ZCWPW2: variants seen among roughly 807,000 people sequenced by gnomAD.
ZCWPW2 encodes the protein zinc finger CW-type PWWP domain protein 2.
In ZCWPW2, 45 loss-of-function variants were observed where a neutral mutation model predicts 46.6. That is an observed-to-expected ratio of 0.96 (90% CI 0.76 to 1.24). ZCWPW2 has a LOEUF of 1.24. Among genes scored for constraint, ZCWPW2 ranks in the 50% most tolerant of loss-of-function variants. ZCWPW2 has a pLI of 0.00. For missense variants in ZCWPW2, 429 were observed against 403.9 expected (o/e 1.06, Z -0.53); for synonymous variants, 152 against 137.1 (o/e 1.11, Z -0.76).
chr3:28,487,012 G>T (rs1168746353), intron 5 of ZCWPW2, among the ~76,000 whole-genome samples: 1 of 151,256 alleles, frequency 6.6e-6, no homozygotes, highest in African/African-American at 2.4e-5. Flanking sequence ...CTATTGGTAA[G>T]TTTTTTTTTC....
intron 7 of ZCWPW2, among the ~76,000 whole-genome samples, chr3:28,514,819 G>A (rs538196100): frequency 6.6e-6 from 1 of 152,188 alleles, no homozygotes; most frequent in South Asian, 2.1e-4. Flanking sequence ...AGTGTTTATC[G>A]TTGAACCAGT....
intron 6 of ZCWPW2, chr3:28,511,174 AG>A (rs1270107244): frequency 4.9e-6 from 2 of 408,986 alleles, no homozygotes; most frequent in Non-Finnish European, 9.9e-6. Context: ...CACGGCAGTA[AG>A]GGAACTCAGG....
At chr3:28,402,971 C>A (rs1487744738) in intron 2 of ZCWPW2, among the ~76,000 whole-genome samples, 1 of 152,096 alleles carries the variant, frequency 6.6e-6, no homozygotes, top group Non-Finnish European at 1.5e-5. Context: ...GAAAGCATTC[C>A]CTCTGAGAAC....
intron 3 of ZCWPW2, among the ~76,000 whole-genome samples, chr3:28,425,340 T>C: frequency 6.6e-6 from 1 of 152,320 alleles, no homozygotes; most frequent in East Asian, 1.9e-4. Context: ...CTTATATTGC[T>C]TATTCAGTAA....
chr3:28,389,565 G>T (rs1024576724), intron 1 of ZCWPW2, among the ~76,000 whole-genome samples: 3 of 152,130 alleles, frequency 2.0e-5, no homozygotes, highest in Non-Finnish European at 4.4e-5. Flanking sequence ...AGTTATTAGT[G>T]TCTTTAAATC....
At chr3:28,412,941 G>T (rs1696461032) in intron 2 of ZCWPW2, 115 bp from the exon 3 acceptor site, 1 of 732,870 alleles carries the variant, frequency 1.4e-6, no homozygotes, top group Admixed American at 2.9e-5. Flanking sequence ...GTAGGATAGA[G>T]AGGGGGTGGG....
Position 28,478,923 on chromosome 3 carries a change from AACT to A in ZCWPW2, c.605_607del (p.Leu202del). On this transcript the variant is annotated inframe_deletion, in exon 5 of 10. Transcript: ENST00000383768. ...AGACTGGAAATGTGCTGCCTATCAA[AACT>A]ACAAGGTGTATAAATATTTTTTCTT... The A allele has an allele frequency of 6.4e-7, 1 of 1,566,558 alleles. No homozygotes were observed. The highest frequency in any genetic ancestry group is 8.6e-7 in the Non-Finnish European group (1 of 1,158,096).
intron 4 of ZCWPW2, among the ~76,000 whole-genome samples, chr3:28,449,206 C>T (rs1698130004): frequency 6.6e-6 from 1 of 152,080 alleles, no homozygotes; most frequent in South Asian, 2.1e-4. Flanking sequence ...TGAAGCTAGA[C>T]CCTTACCTAA....
chr3:28,458,145 G>T (rs1473558974), intron 4 of ZCWPW2, among the ~76,000 whole-genome samples: 1 of 152,116 alleles, frequency 6.6e-6, no homozygotes, highest in Non-Finnish European at 1.5e-5. Flanking sequence ...TTTTGTAGCA[G>T]CTTAACACAC....
chr3:28,505,654 GGATATTGGCTTTT>G (rs1460132442), intron 6 of ZCWPW2, among the ~76,000 whole-genome samples: 16 of 152,200 alleles, frequency 1.1e-4, no homozygotes, highest in African/African-American at 3.9e-4. Context: ...AGGGAAATGA[GGATATTGGCTTTT>G]TCTTTTATAT....
chr3:28,485,213 T>C (rs1699557717), intron 5 of ZCWPW2, among the ~76,000 whole-genome samples: 1 of 152,078 alleles, frequency 6.6e-6, no homozygotes. Context: ...GATTTCCACC[T>C]ATCTCTCTGT....
chr3:28,395,733 G>A (rs939373369), intron 2 of ZCWPW2, among the ~76,000 whole-genome samples: 2 of 152,104 alleles, frequency 1.3e-5, no homozygotes, highest in Non-Finnish European at 2.9e-5. Flanking sequence ...TAGAAGGGTG[G>A]TTACCGGAGG....
chr3:28,409,059 C>T (rs543914094), intron 2 of ZCWPW2, among the ~76,000 whole-genome samples: 1 of 150,152 alleles, frequency 6.7e-6, no homozygotes, highest in African/African-American at 2.4e-5. Flanking sequence ...AGTCTTCCAT[C>T]TTATTCATTC....
At chr3:28,402,009 A>G (rs1050911015) in intron 2 of ZCWPW2, among the ~76,000 whole-genome samples, 2 of 151,782 alleles carry the variant, frequency 1.3e-5, no homozygotes, top group East Asian at 3.9e-4. Context: ...GTCATACCTC[A>G]AGGAATGAGA....
intron 3 of ZCWPW2, among the ~76,000 whole-genome samples, chr3:28,428,981 A>G (rs1159166122): frequency 2.0e-5 from 3 of 152,186 alleles, no homozygotes; most frequent in African/African-American, 4.8e-5. Flanking sequence ...CAGCATGACA[A>G]CAGACTAATA....
intron 4 of ZCWPW2, chr3:28,461,653 A>G (rs1392722737): frequency 1.3e-5 from 2 of 152,164 alleles, no homozygotes; most frequent in African/African-American, 4.8e-5. Flanking sequence ...ATACTACTCA[A>G]TAAATATTTA....
intron 4 of ZCWPW2, among the ~76,000 whole-genome samples, chr3:28,443,291 G>A (rs142332264): frequency 6.6e-6 from 1 of 152,204 alleles, no homozygotes; most frequent in East Asian, 1.9e-4. Flanking sequence ...GGTCTCCTTG[G>A]GGACATGTGG....
chr3:28,377,407 G>T (rs756156578), intron 1 of ZCWPW2, among the ~76,000 whole-genome samples: 38 of 151,942 alleles, frequency 2.5e-4, no homozygotes, highest in Non-Finnish European at 4.4e-4. Context: ...TCAAAAACAA[G>T]GAAAGTAAAT....
chr3:28,372,010 CTT>C (rs1238441291), intron 1 of ZCWPW2, among the ~76,000 whole-genome samples: 4 of 151,468 alleles, frequency 2.6e-5, no homozygotes, highest in African/African-American at 9.7e-5. Context: ...TCTTTCTCCT[CTT>C]TCTCCTCCTG....
Sources: allele counts gnomAD v4.1 joint callset (sites outside exome capture counted in the v4.1 genomes callset), GRCh38; gene constraint gnomAD v4.1.1; transcripts MANE v1.5; gene names NCBI Gene and HGNC (gene_info 2026-07-23, HGNC 2026-07-21).